CRTC1: variants seen among roughly 807,000 people sequenced by gnomAD.
CRTC1 encodes CREB-regulated transcription coactivator 1.
CRTC1 carries 18 observed loss-of-function variants against 66.1 expected under a neutral mutation model. That is an observed-to-expected ratio of 0.27 (90% confidence interval 0.19 to 0.40). The LOEUF (loss-of-function observed/expected upper bound fraction) is 0.40, where lower values mean the gene tolerates loss of function less well. Among genes scored for constraint, CRTC1 ranks in the 10% least tolerant of loss-of-function variants. The pLI, the probability that CRTC1 is intolerant of heterozygous loss-of-function variation, is 1.00. For missense variants in CRTC1, 669 were observed against 887.9 expected (o/e 0.75, Z 3.13); for synonymous variants, 416 against 398.8 (o/e 1.04, Z -0.51).
intron 1 of CRTC1, among the ~76,000 whole-genome samples, chr19:18,701,397 G>C (rs1254222297): frequency 6.6e-6 from 1 of 152,270 alleles, no homozygotes; most frequent in Non-Finnish European, 1.5e-5. Flanking sequence ...CCGGCCCGTG[G>C]TGGGTGCACA....
chr19:18,769,661 G>A (rs987352062), intron 10 of CRTC1, among the ~76,000 whole-genome samples: 4 of 152,170 alleles, frequency 2.6e-5, no homozygotes, highest in Non-Finnish European at 4.4e-5. Context: ...AAACACAGCA[G>A]GTCCTGGGGG....
In CRTC1 at chr19:18,768,736, C is replaced by T. The variant is rs1356045994; in HGVS notation, c.1263C>T (p.Leu421=). ...TTGCAGTCACGGTACCGTCCTCTCTCCCCCAGTCCCCCCCAGAGAACCCTG... is the reference window on the plus strand; with the variant it reads ...TTGCAGTCACGGTACCGTCCTCTCTTCCCCAGTCCCCCCCAGAGAACCCTG... The part of the protein sequence containing the change: ...PPLAVTVPSS[L]PQSPPENPGQ... Residue 421 remains leucine (L), a synonymous_variant, in exon 10 of 14, where the codon CTC becomes CTT. Transcript: ENST00000321949. This position sits in a 1 kb window ranked among gnomAD's most constrained non-coding sequence, Gnocchi z 5.6. 6 of 1,597,980 alleles carry T rather than the reference C, an allele frequency of 3.8e-6. No homozygotes were observed. Among genetic ancestry groups the T allele is most frequent in the Non-Finnish European group, 5.1e-6 (6 of 1,173,216 alleles).
Position 18,760,000 on chromosome 19 carries a change from T to C in CRTC1, c.666-8T>C. ...CTCACCTCCTGCCTGCCTCTGGCCT[T>C]TTCCCAGCATCTTCCCGTCTGCCGA... is the stretch of plus-strand genomic sequence containing the variant. On this transcript the variant is annotated splice_region_variant and splice_polypyrimidine_tract_variant and intron_variant, in intron 7 of 13. Transcript: ENST00000321949. 3 of 1,461,606 alleles carry C rather than the reference T, an allele frequency of 2.1e-6. No individual in the cohort carries two copies. Among genetic ancestry groups the C allele is most frequent in the South Asian group, 1.2e-5 (1 of 81,586 alleles). 90.5% of individuals were successfully genotyped at this position (1,461,606 alleles called of 1,614,324 possible).
intron 10 of CRTC1, among the ~76,000 whole-genome samples, chr19:18,770,261 C>G (rs1601006775): frequency 6.6e-6 from 1 of 152,240 alleles, no homozygotes; most frequent in East Asian, 1.9e-4. Context: ...AGTTCTGGGT[C>G]ATAGCAGTGA....
At chr19:18,701,922 G>GTTT (rs1173804936) in intron 1 of CRTC1, among the ~76,000 whole-genome samples, 14 of 114,076 alleles carry the variant, frequency 1.2e-4, no homozygotes, top group South Asian at 2.9e-4. Flanking sequence ...CCACCGTTTT[G>GTTT]TTTTTTTTTT....
chr19:18,750,390 C>T (rs2054336782), intron 5 of CRTC1, among the ~76,000 whole-genome samples: 1 of 152,232 alleles, frequency 6.6e-6, no homozygotes, highest in Non-Finnish European at 1.5e-5. Flanking sequence ...AACTCTTGGC[C>T]AGAGTGTCGC....
At chr19:18,704,565 A>G (rs2053218360) in intron 1 of CRTC1, among the ~76,000 whole-genome samples, 1 of 152,058 alleles carries the variant, frequency 6.6e-6, no homozygotes, top group South Asian at 2.1e-4. Context: ...TACAAAAATT[A>G]GCTGGGTGTG....
intron 5 of CRTC1, among the ~76,000 whole-genome samples, chr19:18,753,286 A>T (rs1345325862): frequency 6.6e-6 from 1 of 151,354 alleles, no homozygotes; most frequent in Non-Finnish European, 1.5e-5. Flanking sequence ...TAAATAAATA[A>T]ATAAATAAAT....
rs957239180 is a variant in CRTC1 at position 18,768,434 on chromosome 19, C to T, written c.1012-51C>T. On this transcript the variant is annotated intron_variant, in intron 9 of 13. Coordinates refer to ENST00000321949, the MANE Select transcript of CRTC1 (RefSeq NM_015321.3). This position sits in a 1 kb window ranked among gnomAD's most constrained non-coding sequence, Gnocchi z 5.6. ...CCAGGCTATGGGGGCCCGAGGGGGC[C>T]AGGCGCTGACAACCAGGGCCCGCCC... 2.0e-6 allele frequency: 3 copies of T among 1,528,066 alleles called. No homozygotes were observed. Among genetic ancestry groups the T allele is most frequent in the East Asian group, 4.6e-5 (2 of 43,780 alleles). The allele number at this position is 1,528,066 out of a possible 1,614,324, so 94.7% of individuals were successfully genotyped here. A position where few individuals can be genotyped will look rare whatever the true frequency, so the allele number is the denominator to read the frequency against.
intron 1 of CRTC1, among the ~76,000 whole-genome samples, chr19:18,737,803 C>T (rs963154543): frequency 2.7e-5 from 4 of 147,758 alleles, no homozygotes; most frequent in Non-Finnish European, 6.0e-5. Context: ...ACGTGAAGGA[C>T]GGTGAGGACA....
At chr19:18,776,253 C>T (rs1403751333) in intron 13 of CRTC1, among the ~76,000 whole-genome samples, 3 of 152,188 alleles carry the variant, frequency 2.0e-5, no homozygotes, top group African/African-American at 7.2e-5. Context: ...AGGTCAGGGC[C>T]GTGATGCACC....
intron 1 of CRTC1, among the ~76,000 whole-genome samples, chr19:18,726,367 C>T (rs2053752962): frequency 6.6e-6 from 1 of 152,218 alleles, no homozygotes; most frequent in African/African-American, 2.4e-5. Flanking sequence ...AGCTGGCTGC[C>T]CCAGAGGAGC....
rs549392480 is a variant in CRTC1 at position 18,741,032 on chromosome 19, C to A, written c.127-1878C>A. Among the ~76,000 whole-genome samples, 13 of 152,128 alleles carry A rather than the reference C, an allele frequency of 8.5e-5. No homozygotes were observed. The highest frequency in any genetic ancestry group is 2.1e-4 in the South Asian group (1 of 4,830). ...AAAAACAAACAAACAACAACAACAA[C>A]AAAAAAGAAAAGCAGAGTCCCCACT... On this transcript the variant is annotated intron_variant, in intron 1 of 13. Coordinates refer to ENST00000321949, the MANE Select transcript of CRTC1 (RefSeq NM_015321.3). This position sits in a 1 kb window ranked among gnomAD's most constrained non-coding sequence, Gnocchi z 4.2.
chr19:18,699,985 A>T (rs757348), intron 1 of CRTC1, among the ~76,000 whole-genome samples: 10,013 of 152,042 alleles, frequency 0.066, 492 homozygotes, highest in East Asian at 0.26. Context: ...TGACAGACTG[A>T]GCCTCATCTC....
At chr19:18,750,473 C>T (rs1028766445) in intron 5 of CRTC1, among the ~76,000 whole-genome samples, 18 of 152,292 alleles carry the variant, frequency 1.2e-4, no homozygotes, top group African/African-American at 3.4e-4. Flanking sequence ...AATTTGAAGC[C>T]GGGCGTGGAG....
intron 8 of CRTC1, among the ~76,000 whole-genome samples, chr19:18,764,561 G>C (rs1403294077): frequency 6.6e-6 from 1 of 152,282 alleles, no homozygotes; most frequent in Admixed American, 6.5e-5. Flanking sequence ...GGGTTGCTCA[G>C]TGCAAGGGCC....
chr19:18,778,289 G>T lies in CRTC1; in HGVS notation c.*907G>T, dbSNP rs554217859. ...AGGTGGCCAGGGGAGTTTCATTGTGGTTTTTTTTTCCTTTTAGTTTCTAGT... is the reference window on the plus strand; with the variant it reads ...AGGTGGCCAGGGGAGTTTCATTGTGTTTTTTTTTTCCTTTTAGTTTCTAGT... On this transcript the variant is annotated 3_prime_UTR_variant, in exon 14 of 14. Transcript: ENST00000321949. 10 of 230,970 alleles carry T rather than the reference G, an allele frequency of 4.3e-5. No individual in the cohort carries two copies. The highest frequency in any genetic ancestry group is 6.7e-5 in the African/African-American group (3 of 45,102). The allele number at this position is 230,970 out of a possible 1,614,324, so 14.3% of individuals were successfully genotyped here.
Position 18,777,513 on chromosome 19 carries a change from G to A in CRTC1, c.*131G>A, listed in dbSNP as rs766131928. On this transcript the variant is annotated 3_prime_UTR_variant, in exon 14 of 14. Coordinates refer to ENST00000321949, the MANE Select transcript of CRTC1 (RefSeq NM_015321.3). The surrounding 1 kb of genome is among the most constrained non-coding windows in gnomAD (Gnocchi z 5.5). ...CTTGCAATGCCGCCAAGCGCCCCCCGCCAGCCCGCCCCCGGTTGTCCACCT... is the reference window on the plus strand; with the variant it reads ...CTTGCAATGCCGCCAAGCGCCCCCCACCAGCCCGCCCCCGGTTGTCCACCT... The A allele has an allele frequency of 9.0e-5, 76 of 845,938 alleles. No individual in the cohort carries two copies. The African/African-American group carries it at 1.0e-3, about 11-fold the overall frequency. The allele number at this position is 845,938 out of a possible 1,614,324, so 52.4% of individuals were successfully genotyped here. A position where few individuals can be genotyped will look rare whatever the true frequency, so the allele number is the denominator to read the frequency against.
rs1368057562 is a variant in CRTC1 at position 18,725,674 on chromosome 19, T to C, written c.127-17236T>C. On this transcript the variant is annotated intron_variant, in intron 1 of 13. Coordinates refer to ENST00000321949, the MANE Select transcript of CRTC1 (RefSeq NM_015321.3). ...GGCGCCAGCCCCTCCTCCCTCTTCC[T>C]GAGCCTCCCACCTCTCTGGCCTGTG... 3.9e-5 allele frequency among the ~76,000 whole-genome samples: 6 copies of C among 152,326 alleles called. No homozygotes were observed. In the South Asian group the frequency reaches 8.3e-4, roughly 21 times the overall value.
Sources: gnomAD v4.1 joint callset for allele counts (sites outside exome capture counted in the v4.1 genomes callset) on GRCh38, gnomAD v4.1.1 for gene constraint, Gnocchi (gnomAD v3.1) non-coding constraint, MANE v1.5 for transcripts, NCBI Gene and HGNC (gene_info 2026-07-23, HGNC 2026-07-21) for gene names.